Variants in UBR4 observed in about 807,000 individuals in gnomAD.
UBR4 encodes the protein ubiquitin protein ligase E3 component n-recognin 4, also known as E3 ubiquitin-protein ligase UBR4.
A neutral mutation model predicts 575.6 loss-of-function variants in UBR4; 124 were observed. That is an observed-to-expected ratio of 0.22 (90% CI 0.19 to 0.25). The LOEUF (loss-of-function observed/expected upper bound fraction) is 0.25, where lower values mean the gene tolerates loss of function less well. UBR4 is among the 10% of genes least tolerant of loss of function. The pLI, the probability that UBR4 is intolerant of heterozygous loss-of-function variation, is 1.00. For missense variants in UBR4, 4,818 were observed against 6,478.8 expected (o/e 0.74, Z 8.80); for synonymous variants, 2,455 against 2,473.7 (o/e 0.99, Z 0.22).
intron 1 of UBR4, among the ~76,000 whole-genome samples, chr1:19,203,052 G>A (rs1377215625): frequency 6.6e-6 from 1 of 151,892 alleles, no homozygotes; most frequent in Non-Finnish European, 1.5e-5. Flanking sequence ...CTGCACTCCA[G>A]CCTGGGTGAC....
At chr1:19,185,637 A>G (rs1400342298) in intron 14 of UBR4, among the ~76,000 whole-genome samples, 1 of 148,684 alleles carries the variant, frequency 6.7e-6, no homozygotes, top group Non-Finnish European at 1.5e-5. Flanking sequence ...GCAGTGGTGC[A>G]ATATTGGCTC....
At chr1:19,143,216 AAGG>A (rs1040511235) in intron 55 of UBR4, among the ~76,000 whole-genome samples, 2 of 104,724 alleles carry the variant, frequency 1.9e-5, no homozygotes, top group Admixed American at 1.0e-4. Flanking sequence ...GAAGGAAAGA[AAGG>A]AAGGAAGGAA....
Position 19,155,537 on chromosome 1 carries a change from C to T in UBR4, c.6204G>A (p.Gly2068=), listed in dbSNP as rs199980342. 13 of 1,614,092 alleles carry T rather than the reference C, an allele frequency of 8.1e-6. No individual in the cohort carries two copies. Among genetic ancestry groups the T allele is most frequent in the Non-Finnish European group, 1.1e-5 (13 of 1,180,000 alleles). ...KNIIVIMSSA[G]YIYTQLMEEA... ...CTTCCATAAGCTGAGTATAGATGTA[C>T]CCAGCCGAAGACATTATAACAATGA... is the stretch of plus-strand genomic sequence containing the variant. Residue 2068 remains glycine, a synonymous_variant, in exon 43 of 106, where the codon GGG becomes GGA. Transcript: ENST00000375254.
intron 34 of UBR4, 100 bp from the exon 35 acceptor site, chr1:19,162,711 T>C (rs767435526): frequency 3.7e-4 from 506 of 1,369,344 alleles, no homozygotes; most frequent in Non-Finnish European, 4.6e-4. Context: ...ATCAGAGAAA[T>C]GGTATGAGAG....
intron 90 of UBR4, among the ~76,000 whole-genome samples, chr1:19,098,360 A>G (rs1402123227): frequency 5.9e-5 from 9 of 152,174 alleles, no homozygotes; most frequent in Admixed American, 5.9e-4. Flanking sequence ...GCTATCACAA[A>G]CTCAGAACTT....
At chr1:19,162,386 T>G in intron 35 of UBR4, 34 bp downstream of exon 35, 675 of 1,585,280 alleles carry the variant, frequency 4.3e-4, no homozygotes, top group Middle Eastern at 6.7e-4. Context: ...GTCATTACCT[T>G]GAGAGGTTAA....
intron 76 of UBR4, 56 bp downstream of exon 76, chr1:19,113,889 G>A (rs113498244): frequency 1.9e-6 from 3 of 1,614,052 alleles, no homozygotes; most frequent in Admixed American, 1.7e-5. Flanking sequence ...CTAGGAGGCA[G>A]TCTTCTGATC....
At position 19,150,428 on chromosome 1, in the gene UBR4, C is replaced by G; in HGVS notation, c.7430+149G>C. 9 of 810,894 alleles carry G rather than the reference C, an allele frequency of 1.1e-5. No individual in the cohort carries two copies. In the South Asian group the frequency reaches 1.6e-4, roughly 14 times the overall value. The allele number at this position is 810,894 out of a possible 1,614,324, so 50.2% of individuals were successfully genotyped here. ...TCAGGCTTTGCACGCTAAAGAGACA[C>G]TGAATGTGGGCGAGTTGTATGAAAA... is the stretch of plus-strand genomic sequence containing the variant. On this transcript the variant is annotated intron_variant, in intron 49 of 105. Coordinates refer to ENST00000375254, the MANE Select transcript of UBR4 (RefSeq NM_020765.3).
intron 1 of UBR4, among the ~76,000 whole-genome samples, chr1:19,203,379 T>G (rs972380437): frequency 6.6e-6 from 1 of 151,814 alleles, no homozygotes; most frequent in African/African-American, 2.4e-5. Flanking sequence ...CACCCACCTG[T>G]AGTCCCAGCT....
intron 60 of UBR4, among the ~76,000 whole-genome samples, chr1:19,133,252 A>AATTATAG (rs1251558023): frequency 2.2e-4 from 34 of 152,188 alleles, no homozygotes; most frequent in Middle Eastern, 3.2e-3. Context: ...TAGAAAAATC[A>AATTATAG]ATTAACGTAA....
At position 19,104,657 on chromosome 1, in the gene UBR4, G is replaced by A. The variant is rs773942194; in HGVS notation, c.12655C>T (p.Arg4219Cys). The change falls in exon 86 of 106, where the codon CGT (arginine) becomes TGT (cysteine). Residue 4219 changes from arginine (R) to cysteine (C), a missense_variant. Physicochemically the swap from Arg to Cys is radical, Grantham distance 180. Transcript: ENST00000375254. ...VGNLITKEIA[R>C]LLALEEATLS... ...GTAGCCTCCTCCAGGGCCAGCAGAC[G>A]AGCTATTTCCTAAACAGGATGACAA... The A allele has an allele frequency of 2.5e-6, 4 of 1,614,014 alleles. No homozygotes were observed. The highest frequency in any genetic ancestry group is 2.2e-5 in the East Asian group (1 of 44,862).
chr1:19,100,178 G>A lies in UBR4; in HGVS notation c.13221+198C>T. 6.6e-6 allele frequency: 4 copies of A among 607,700 alleles called. No individual in the cohort carries two copies. The highest frequency in any genetic ancestry group is 6.3e-5 in the South Asian group (3 of 47,640). 37.6% of individuals were successfully genotyped at this position (607,700 alleles called of 1,614,324 possible). On this transcript the variant is annotated intron_variant, in intron 89 of 105. Coordinates refer to ENST00000375254, the MANE Select transcript of UBR4 (RefSeq NM_020765.3). This position sits in a 1 kb window ranked among gnomAD's most constrained non-coding sequence, Gnocchi z 4.2. ...CTTACTTCCTGCCAGGCACTGGGCA[G>A]AGCCCTTTACAGGTTATTAACCTTA...
chr1:19,125,202 C>G (rs935476146), intron 64 of UBR4, among the ~76,000 whole-genome samples: 2 of 152,158 alleles, frequency 1.3e-5, no homozygotes, highest in Non-Finnish European at 2.9e-5. Flanking sequence ...GATGTGAGGA[C>G]AGTGGAAACA....
In UBR4 at chr1:19,187,101, T is replaced by C. The variant is rs1344281101; in HGVS notation, c.1632+63A>G. On this transcript the variant is annotated intron_variant, in intron 13 of 105. Coordinates refer to ENST00000375254, the MANE Select transcript of UBR4 (RefSeq NM_020765.3). The stretch of plus-strand genomic sequence containing the variant: ...TTATATATATATATATATATACATA[T>C]ATATATCATATATATAAAATGAGAC... 8 of 1,103,812 alleles carry C rather than the reference T, an allele frequency of 7.2e-6. No homozygotes were observed. In the East Asian group the frequency reaches 2.3e-4, roughly 31 times the overall value. The allele number at this position is 1,103,812 out of a possible 1,614,324, so 68.4% of individuals were successfully genotyped here. A position where few individuals can be genotyped will look rare whatever the true frequency, so the allele number is the denominator to read the frequency against.
At chr1:19,149,932 T>G in intron 49 of UBR4, 25 of 449,968 alleles carry the variant, frequency 5.6e-5, no homozygotes, top group Non-Finnish European at 9.3e-5. Context: ...GGGAGGAGGC[T>G]GGTGGTGGGA....
At chr1:19,134,209 G>A (rs2082916395) in intron 60 of UBR4, among the ~76,000 whole-genome samples, 2 of 151,230 alleles carry the variant, frequency 1.3e-5, no homozygotes, top group South Asian at 4.2e-4. Context: ...AGCTATGATT[G>A]TGCCACTGCA....
At chr1:19,159,895 GC>G (rs1252984650) in intron 39 of UBR4, among the ~76,000 whole-genome samples, 4 of 151,266 alleles carry the variant, frequency 2.6e-5, no homozygotes, top group Non-Finnish European at 4.4e-5. Context: ...TGCATCCTTG[GC>G]CAATTCTCTT....
At chr1:19,128,076 G>A (rs1237052741) in intron 62 of UBR4, 135 bp downstream of exon 62, 1 of 854,740 alleles carries the variant, frequency 1.2e-6, no homozygotes, top group Non-Finnish European at 1.9e-6. Context: ...CGCTTTTGTT[G>A]ACTCAACAGA....
intron 29 of UBR4, 67 bp downstream of exon 29, chr1:19,166,955 T>C: frequency 3.3e-6 from 5 of 1,534,490 alleles, no homozygotes; most frequent in Non-Finnish European, 4.5e-6. Flanking sequence ...AAGGCAGCAG[T>C]GTTAGTACAT....
Sources: gnomAD v4.1 joint callset for allele counts (sites outside exome capture counted in the v4.1 genomes callset) on GRCh38, gnomAD v4.1.1 for gene constraint, Gnocchi (gnomAD v3.1) non-coding constraint, MANE v1.5 for transcripts, NCBI Gene and HGNC (gene_info 2026-07-23, HGNC 2026-07-21) for gene names.